ATCAY: variants seen among roughly 807,000 people sequenced by gnomAD.
The protein encoded by ATCAY is ATCAY kinesin light chain interacting caytaxin.
In ATCAY, 22 loss-of-function variants were observed where a neutral mutation model predicts 47.7. The ratio of observed to expected loss-of-function variants is 0.46; its 90% confidence interval spans 0.33 to 0.66. The LOEUF (loss-of-function observed/expected upper bound fraction) is 0.66. Ranked by LOEUF, ATCAY falls within the 30% of genes least tolerant of loss-of-function variation. The pLI is 0.02. For synonymous variants in ATCAY, 216 were observed against 207.6 expected, an observed-to-expected ratio of 1.04 and a Z score of -0.35; for missense variants, 452 against 515.0, an observed-to-expected ratio of 0.88 and a Z score of 1.18.
At chr19:3,899,156 A>G (rs1210400031) in intron 2 of ATCAY, among the ~76,000 whole-genome samples, 4 of 152,090 alleles carry the variant, frequency 2.6e-5, no homozygotes, top group African/African-American at 4.8e-5. Context: ...CAAGCCCCAT[A>G]GATGCACTGG....
At chr19:3,898,656 T>C (rs183030636) in intron 2 of ATCAY, among the ~76,000 whole-genome samples, 11 of 152,278 alleles carry the variant, frequency 7.2e-5, no homozygotes, top group South Asian at 2.1e-4. Flanking sequence ...GTTGATCCAG[T>C]CAGCTGTTAA....
At chr19:3,922,967 G>T (rs1375944494) in intron 12 of ATCAY, among the ~76,000 whole-genome samples, 1 of 152,152 alleles carries the variant, frequency 6.6e-6, no homozygotes, top group Middle Eastern at 3.4e-3. Context: ...GGATGGTCTC[G>T]ATCTCCTGAC....
chr19:3,917,759 T>G lies in ATCAY; in HGVS notation c.983T>G (p.Leu328Arg). 3.1e-6 allele frequency: 5 copies of G among 1,613,428 alleles called. No homozygotes were observed. Among genetic ancestry groups the G allele is most frequent in the Non-Finnish European group, 4.2e-6 (5 of 1,179,676 alleles). Residue 328 changes from leucine (L) to arginine (R), a missense_variant, in exon 10 of 13, where the codon CTG becomes CGG. Coordinates refer to ENST00000450849, the MANE Select transcript of ATCAY (RefSeq NM_033064.5). The part of the protein sequence containing the change: ...DCVLQYEEER[L>R]KARRESARPQ... ...TCTTTCAGATACGAAGAGGAAAGACTGAAGGCCAGGAGGGAGAGGTGTGTG... is the reference window on the plus strand; with the variant it reads ...TCTTTCAGATACGAAGAGGAAAGACGGAAGGCCAGGAGGGAGAGGTGTGTG...
At chr19:3,919,133 C>G (rs1193540231) in intron 11 of ATCAY, among the ~76,000 whole-genome samples, 2 of 151,412 alleles carry the variant, frequency 1.3e-5, no homozygotes, top group Non-Finnish European at 2.9e-5. Context: ...CAAAAATTAG[C>G]TGGACATGGT....
intron 12 of ATCAY, chr19:3,922,149 CTT>C (rs1472018896): frequency 1.4e-6 from 1 of 702,486 alleles, no homozygotes; most frequent in Non-Finnish European, 2.6e-6. Flanking sequence ...GTCTGCATGG[CTT>C]TTCTTAGCCT....
rs762422605 is a variant in ATCAY, at chr19:3,910,821, G to A, written c.798G>A (p.Lys266=). The A allele has an allele frequency of 6.2e-7, 1 of 1,614,022 alleles. No individual in the cohort carries two copies. The highest frequency in any genetic ancestry group is 1.7e-5 in the Admixed American group (1 of 60,018). The change falls in exon 8 of 13, where the codon AAG becomes AAA. Residue 266 remains lysine (K), a synonymous_variant. Transcript: ENST00000450849. ...CACACAGGTTGCGGAAAAACCTGAA[G>A]TCCTTGATCATCGTCCACCCCTCGT... ...MIDRRLRKNL[K]SLIIVHPSWF... is the part of the protein sequence containing the mutation.
At chr19:3,894,227 G>A (rs2038744758) in intron 2 of ATCAY, among the ~76,000 whole-genome samples, 1 of 152,044 alleles carries the variant, frequency 6.6e-6, no homozygotes, top group Admixed American at 6.6e-5. Context: ...GCTCACGTCT[G>A]TAATCCCAGC....
Position 3,926,519 on chromosome 19 carries a change from G to C in ATCAY, c.*1927G>C, listed in dbSNP as rs1334925181. ...CAGACCCACAATTAACTGAGCCTCA[G>C]TGAAAGCGTCCAGTGCATCTTGACC... On this transcript the variant is annotated 3_prime_UTR_variant, in exon 13 of 13. Coordinates refer to ENST00000450849, the MANE Select transcript of ATCAY (RefSeq NM_033064.5). 3 of 152,228 alleles carry C rather than the reference G, an allele frequency of 2.0e-5. No individual in the cohort carries two copies. Among genetic ancestry groups the C allele is most frequent in the Non-Finnish European group, 4.4e-5 (3 of 68,062 alleles). 9.4% of individuals were successfully genotyped at this position (152,228 alleles called of 1,614,324 possible). A position where few individuals can be genotyped will look rare whatever the true frequency, so the allele number is the denominator to read the frequency against.
At chr19:3,924,038 A>G (rs2039044137) in intron 12 of ATCAY, among the ~76,000 whole-genome samples, 1 of 131,036 alleles carries the variant, frequency 7.6e-6, no homozygotes. Context: ...ATGGGTGGGC[A>G]GATGGATCAA....
chr19:3,914,987 G>A (rs995670883), intron 9 of ATCAY, among the ~76,000 whole-genome samples: 2 of 104,330 alleles, frequency 1.9e-5, no homozygotes, highest in South Asian at 1.1e-3. Flanking sequence ...GCCCCTCAGG[G>A]ACCCCCCGGA....
rs144677168 is a variant in ATCAY at position 3,911,227 on chromosome 19, G to A, written c.866+338G>A. ...CAAAAAATACAAAAATTAGCAGGAC[G>A]TGGTGGTGCACACCTGTAGTTTCAG... is the stretch of plus-strand genomic sequence containing the variant. On this transcript the variant is annotated intron_variant, in intron 8 of 12. Transcript: ENST00000450849. Among the ~76,000 whole-genome samples the A allele has an allele frequency of 1.1e-3, 172 of 152,208 alleles. 1 individual carries two copies. The highest frequency in any genetic ancestry group is 5.9e-4 in the Non-Finnish European group (40 of 68,030).
chr19:3,888,928 CTG>C (rs1439925783), intron 2 of ATCAY, among the ~76,000 whole-genome samples: 1 of 152,056 alleles, frequency 6.6e-6, no homozygotes, highest in Non-Finnish European at 1.5e-5. Context: ...ATGCACCTGT[CTG>C]TGTTTCTTTG....
At chr19:3,904,476 C>A (rs930113320) in intron 3 of ATCAY, among the ~76,000 whole-genome samples, 1 of 152,212 alleles carries the variant, frequency 6.6e-6, no homozygotes, top group African/African-American at 2.4e-5. Flanking sequence ...ATTCTGCCTG[C>A]GGACGGTTTT....
intron 6 of ATCAY, among the ~76,000 whole-genome samples, chr19:3,908,681 C>T (rs1282631267): frequency 1.0e-5 from 1 of 99,506 alleles, no homozygotes; most frequent in Non-Finnish European, 2.2e-5. Context: ...TCCTTCTCCT[C>T]CCCTTCTTCC....
chr19:3,910,686 C>T, intron 7 of ATCAY, 117 bp from the exon 8 acceptor site: 1 of 992,730 alleles, frequency 1.0e-6, no homozygotes, highest in Middle Eastern at 2.1e-4. Flanking sequence ...CTGGAGACCA[C>T]ACGTGGAATG....
chr19:3,887,080 T>G (rs2038664451), intron 2 of ATCAY, among the ~76,000 whole-genome samples: 1 of 152,110 alleles, frequency 6.6e-6, no homozygotes, highest in Non-Finnish European at 1.5e-5. Flanking sequence ...CTCACTGCTG[T>G]ATCCCAACCT....
At chr19:3,908,055 G>C (rs1045713950) in intron 5 of ATCAY, 136 bp downstream of exon 5, 2 of 1,255,632 alleles carry the variant, frequency 1.6e-6, no homozygotes, top group African/African-American at 3.0e-5. Context: ...CTGTGGGCAA[G>C]GCGTGCATGG....
Position 3,926,313 on chromosome 19 carries a change from A to C in ATCAY, c.*1721A>C, listed in dbSNP as rs1048430137. 1 of 152,474 alleles carries C rather than the reference A, an allele frequency of 6.6e-6. No homozygotes were observed. Among genetic ancestry groups the C allele is most frequent in the African/African-American group, 2.4e-5 (1 of 41,462 alleles). The allele number at this position is 152,474 out of a possible 1,614,324, so 9.4% of individuals were successfully genotyped here. On this transcript the variant is annotated 3_prime_UTR_variant, in exon 13 of 13. Coordinates refer to ENST00000450849, the MANE Select transcript of ATCAY (RefSeq NM_033064.5). ...AAGAGCAAAACTCCGTCTCAAAATA[A>C]AAAGAAAAGAAAAGAATGGACAGTG...
chr19:3,893,721 A>G (rs2038739801), intron 2 of ATCAY: 1 of 152,222 alleles, frequency 6.6e-6, no homozygotes, highest in Admixed American at 6.6e-5. Flanking sequence ...TCCTTCAGGG[A>G]GCCTGGAGCC....
Sources: allele counts gnomAD v4.1 joint callset (sites outside exome capture counted in the v4.1 genomes callset), GRCh38; gene constraint gnomAD v4.1.1; transcripts MANE v1.5; gene names NCBI Gene and HGNC (gene_info 2026-07-23, HGNC 2026-07-21).